ZNF114: variants seen among roughly 807,000 people sequenced by gnomAD.
The protein encoded by ZNF114 is zinc finger protein 114 (Y18).
A neutral mutation model predicts 6.8 loss-of-function variants in ZNF114; 8 were observed. The observed-to-expected ratio is 1.18, with a 90% CI of 0.69 to 2.13. The LOEUF is 2.13. Ranked by LOEUF, ZNF114 falls within the 30% of genes most tolerant of loss-of-function variation. ZNF114 has a pLI of 0.00. For synonymous variants in ZNF114, 169 were observed against 185.5 expected (o/e 0.91, Z 0.72); for missense variants, 472 against 519.5 (o/e 0.91, Z 0.89).
At position 48,287,135 on chromosome 19, in the gene ZNF114, C is replaced by T. The variant is rs1968152839; in HGVS notation, c.*257C>T. 1.1e-5 allele frequency: 3 copies of T among 279,246 alleles called. No individual in the cohort carries two copies. Among genetic ancestry groups the T allele is most frequent in the Middle Eastern group, 1.2e-3 (1 of 864 alleles). The allele number at this position is 279,246 out of a possible 1,614,324, so 17.3% of individuals were successfully genotyped here. ...AAAAGGAATATGACAAAGCCTTCAGCGTGGTCTCAAATTCATGGTTCATAC... is the reference window on the plus strand; with the variant it reads ...AAAAGGAATATGACAAAGCCTTCAGTGTGGTCTCAAATTCATGGTTCATAC... On this transcript the variant is annotated 3_prime_UTR_variant, in exon 6 of 6. Transcript: ENST00000595607.
chr19:48,283,696 C>T (rs35546344), intron 5 of ZNF114, among the ~76,000 whole-genome samples: 5,123 of 151,574 alleles, frequency 0.034, 167 homozygotes, highest in Middle Eastern at 0.14. Flanking sequence ...TGGGAGGAGA[C>T]GCTCAAATTC....
chr19:48,278,015 ACCTC>A (rs749354380), intron 3 of ZNF114, among the ~76,000 whole-genome samples: 3 of 151,632 alleles, frequency 2.0e-5, no homozygotes, highest in Non-Finnish European at 4.4e-5. Context: ...GCTCACTGCA[ACCTC>A]CACCTCCCAG....
At position 48,286,835 on chromosome 19, in the gene ZNF114, A is replaced by G. The variant is rs1303655495; in HGVS notation, c.1211A>G (p.Lys404Arg). The change falls in exon 6 of 6, where the codon AAA becomes AGA. Residue 404 changes from lysine (K) to arginine (R), a missense_variant. By Grantham distance (26) the Lys-to-Arg change is conservative (BLOSUM62 2). Coordinates refer to ENST00000595607, the MANE Select transcript of ZNF114 (RefSeq NM_153608.4). Reference protein sequence around the residue: ...GKDFAKSSGLKKHLKTHKDEK... With the variant: ...GKDFAKSSGLRKHLKTHKDEK... ...GACTTTGCAAAGTCGTCAGGACTTA[A>G]AAAACATCTTAAGACTCACAAAGAT... is the stretch of plus-strand genomic sequence containing the variant. The G allele has an allele frequency of 2.5e-6, 4 of 1,584,704 alleles. No individual in the cohort carries two copies. In the African/African-American group the frequency reaches 5.5e-5, roughly 22 times the overall value.
chr19:48,283,712 C>T (rs538954814), intron 5 of ZNF114, among the ~76,000 whole-genome samples: 169 of 150,326 alleles, frequency 1.1e-3, no homozygotes, highest in Admixed American at 2.9e-3. Context: ...AATTCTTCTC[C>T]CTGGGGGGTT....
intron 4 of ZNF114, 26 bp downstream of exon 4, chr19:48,279,834 A>G (rs372058458): frequency 1.2e-6 from 2 of 1,613,826 alleles, no homozygotes; most frequent in Non-Finnish European, 1.7e-6. Context: ...ACCCTCTCCC[A>G]GAAGCGTGTT....
At chr19:48,285,480 A>G (rs1968090543) in intron 5 of ZNF114, among the ~76,000 whole-genome samples, 1 of 152,030 alleles carries the variant, frequency 6.6e-6, no homozygotes, top group African/African-American at 2.4e-5. Flanking sequence ...CCTGGGCCAC[A>G]GAGTAAGACT....
Position 48,286,217 on chromosome 19 carries a change from G to A in ZNF114, c.593G>A (p.Ser198Asn), listed in dbSNP as rs76474152. ...GGGAGAAAAACAGAGCTGAAATCAA[G>A]CACATGGACTGGCAGTCAGAACACT... is the stretch of plus-strand genomic sequence containing the variant. ...PCGRKTELKS[S>N]TWTGSQNTVH... The change falls in exon 6 of 6, where the codon AGC (serine) becomes AAC (asparagine). Residue 198 changes from serine to asparagine, a missense_variant. Ser to Asn is a conservative substitution (Grantham distance 46). Transcript: ENST00000595607. The A allele has an allele frequency of 6.2e-7, 1 of 1,614,210 alleles. No homozygotes were observed. The highest frequency in any genetic ancestry group is 1.1e-5 in the South Asian group (1 of 91,090).
At chr19:48,284,094 G>A (rs1478057308) in intron 5 of ZNF114, among the ~76,000 whole-genome samples, 2 of 152,168 alleles carry the variant, frequency 1.3e-5, no homozygotes, top group East Asian at 1.9e-4. Flanking sequence ...GTCAGAGGAA[G>A]GGGGATGAAA....
At chr19:48,276,479 G>A (rs8108549) in intron 3 of ZNF114, among the ~76,000 whole-genome samples, 100,683 of 151,964 alleles carry the variant, frequency 0.66, 34,367 homozygotes, top group Non-Finnish European at 0.75. Context: ...GTCCACCGAC[G>A]TGTCTTATTT....
At chr19:48,273,236 G>A (rs971143295) in intron 3 of ZNF114, among the ~76,000 whole-genome samples, 7 of 152,046 alleles carry the variant, frequency 4.6e-5, no homozygotes, top group East Asian at 1.9e-4. Flanking sequence ...CCCCACGGTC[G>A]GAACAAGATG....
intron 1 of ZNF114, among the ~76,000 whole-genome samples, chr19:48,270,521 G>C (rs1011558322): frequency 2.1e-5 from 3 of 142,258 alleles, no homozygotes; most frequent in African/African-American, 7.9e-5. Context: ...GAGAAAGGGA[G>C]GGAGAGAGAG....
chr19:48,276,074 C>CTTTT (rs34454372), intron 3 of ZNF114, among the ~76,000 whole-genome samples: 1 of 73,460 alleles, frequency 1.4e-5, no homozygotes, highest in African/African-American at 4.7e-5. Context: ...CCTCTTACCT[C>CTTTT]TTTTTTTTTT....
chr19:48,280,045 A>C (rs1504519), intron 4 of ZNF114, among the ~76,000 whole-genome samples: 112,387 of 151,988 alleles, frequency 0.74, 42,259 homozygotes, highest in Middle Eastern at 0.84. Context: ...CCTGGCTGCC[A>C]GTGGGCTTCA....
At chr19:48,278,083 G>C (rs1430456379) in intron 3 of ZNF114, among the ~76,000 whole-genome samples, 1 of 151,938 alleles carries the variant, frequency 6.6e-6, no homozygotes, top group African/African-American at 2.4e-5. Context: ...TTACAGGTGT[G>C]CGCCACCACG....
rs539087013 is a variant in ZNF114, at chr19:48,278,164, G to C, written c.-69-1567G>C. 2.6e-5 allele frequency among the ~76,000 whole-genome samples: 4 copies of C among 152,302 alleles called. No individual in the cohort carries two copies. In the East Asian group the frequency reaches 7.7e-4, roughly 29 times the overall value. On this transcript the variant is annotated intron_variant, in intron 3 of 5. Transcript: ENST00000595607. Reference sequence around the variant, plus strand: ...TTGGCCAGGATGGTCTCAAACTCCTGACCTCAAGTGATCCACCTGCCTCGG... The same window carrying C: ...TTGGCCAGGATGGTCTCAAACTCCTCACCTCAAGTGATCCACCTGCCTCGG...
In ZNF114 at chr19:48,272,673, C is replaced by CAAAAAAAAAAAAAAAAAAA. The variant is rs57823987; in HGVS notation, c.-70+852_-70+870dup. On this transcript the variant is annotated intron_variant, in intron 3 of 5. Coordinates refer to ENST00000595607, the MANE Select transcript of ZNF114 (RefSeq NM_153608.4). ...TGGGCGACAGAGCAAGACTCTCTCT[C>CAAAAAAAAAAAAAAAAAAA]AAAAAAAAAAAAAAAAAAAAAAAAA... is the stretch of plus-strand genomic sequence containing the variant. 1.1e-3 allele frequency among the ~76,000 whole-genome samples: 44 copies of CAAAAAAAAAAAAAAAAAAA among 39,230 alleles called. 3 individuals carry two copies. The highest frequency in any genetic ancestry group is 1.5e-3 in the Non-Finnish European group (37 of 23,874). 25.7% of individuals were successfully genotyped at this position (39,230 alleles called of 152,430 possible).
Position 48,271,432 on chromosome 19 carries a change from A to C in ZNF114, c.-189A>C, listed in dbSNP as rs960144558. ...CCCAAGGCTGGGGTTTCCTGCTTGG[A>C]TCAGGAGTGCCTGGGGAGTAAGTTC... On this transcript the variant is annotated 5_prime_UTR_variant, in exon 2 of 6. Transcript: ENST00000595607. 6.6e-6 allele frequency: 1 copy of C among 151,088 alleles called. No individual in the cohort carries two copies. Among genetic ancestry groups the C allele is most frequent in the African/African-American group, 2.4e-5 (1 of 41,058 alleles). 9.4% of individuals were successfully genotyped at this position (151,088 alleles called of 1,614,324 possible). A position where few individuals can be genotyped will look rare whatever the true frequency, so the allele number is the denominator to read the frequency against.
At chr19:48,274,113 CAT>C (rs1208567660) in intron 3 of ZNF114, among the ~76,000 whole-genome samples, 2 of 141,520 alleles carry the variant, frequency 1.4e-5, no homozygotes, top group African/African-American at 2.5e-5. Flanking sequence ...TACACACACA[CAT>C]ATATATAAAT....
intron 3 of ZNF114, among the ~76,000 whole-genome samples, chr19:48,274,501 T>C (rs1014956974): frequency 3.3e-4 from 4 of 12,236 alleles, no homozygotes; most frequent in African/African-American, 8.4e-4. Flanking sequence ...TATATATATA[T>C]ATATATTTTT....
Sources: gnomAD v4.1 joint callset for allele counts (sites outside exome capture counted in the v4.1 genomes callset) on GRCh38, gnomAD v4.1.1 for gene constraint, MANE v1.5 for transcripts, NCBI Gene and HGNC (gene_info 2026-07-23, HGNC 2026-07-21) for gene names.